Variants in TMEM117 observed in about 807,000 individuals in gnomAD.
TMEM117 encodes transmembrane protein 117.
TMEM117 carries 27 observed loss-of-function variants against 52.4 expected under a neutral mutation model. That is an observed-to-expected ratio of 0.51 (90% confidence interval 0.38 to 0.71). The LOEUF is 0.71. Ranked by LOEUF, TMEM117 falls within the 30% of genes least tolerant of loss-of-function variation. The pLI, the probability that TMEM117 is intolerant of heterozygous loss-of-function variation, is 0.00. For missense variants in TMEM117, 556 were observed against 630.5 expected (o/e 0.88, Z 1.26); for synonymous variants, 215 against 206.3 (o/e 1.04, Z -0.36).
chr12:43,800,423 C>A, the TMEM117 span: 85 of 1,598,098 alleles, frequency 5.3e-5, no homozygotes, highest in Non-Finnish European at 7.2e-5. Flanking sequence ...AATCCACATA[C>A]AAACATAATA....
chr12:44,371,944 A>G (rs1013613314), intron 6 of TMEM117, among the ~76,000 whole-genome samples: 2 of 152,320 alleles, frequency 1.3e-5, no homozygotes, highest in Middle Eastern at 3.4e-3. Context: ...TTATTTTTAT[A>G]TGGGAAATAC....
intron 4 of TMEM117, among the ~76,000 whole-genome samples, chr12:44,191,571 A>G (rs1363260628): frequency 6.6e-6 from 1 of 152,172 alleles, no homozygotes; most frequent in Non-Finnish European, 1.5e-5. Context: ...TGTCCTACTC[A>G]GATGATTTGA....
intron 6 of TMEM117, among the ~76,000 whole-genome samples, chr12:44,374,557 C>CATTTCCG (rs1951912229): frequency 6.6e-6 from 1 of 151,656 alleles, no homozygotes; most frequent in Non-Finnish European, 1.5e-5. Flanking sequence ...CTTTACCCTT[C>CATTTCCG]ATTTCCGTAA....
intron 3 of TMEM117, among the ~76,000 whole-genome samples, chr12:44,116,298 T>C (rs1473814386): frequency 6.6e-6 from 1 of 152,220 alleles, no homozygotes; most frequent in African/African-American, 2.4e-5. Flanking sequence ...GTGTGGGTTC[T>C]TTTTCTTCTT....
chr12:44,199,036 G>A (rs185228600), intron 4 of TMEM117, among the ~76,000 whole-genome samples: 11 of 152,250 alleles, frequency 7.2e-5, no homozygotes, highest in African/African-American at 2.6e-4. Context: ...AAATACTGGA[G>A]CCCTGTTGTT....
chr12:43,900,797 A>C (rs1210639679), intron 2 of TMEM117, among the ~76,000 whole-genome samples: 1 of 152,070 alleles, frequency 6.6e-6, no homozygotes, highest in African/African-American at 2.4e-5. Context: ...AATGCATGTT[A>C]AGTATAGAAC....
the TMEM117 span, among the ~76,000 whole-genome samples, chr12:43,827,278 T>TTTGTATTTACTGTCTGTTCACTCATTAG: frequency 1.3e-5 from 2 of 152,108 alleles, no homozygotes; most frequent in South Asian, 4.1e-4. Context: ...CATTATGCAT[T>TTTGTATTTACTGTCTGTTCACTCATTAG]TTGTATTTAC....
At chr12:44,251,229 G>C (rs753374738) in intron 5 of TMEM117, among the ~76,000 whole-genome samples, 1 of 152,122 alleles carries the variant, frequency 6.6e-6, no homozygotes, top group Non-Finnish European at 1.5e-5. Flanking sequence ...AAAAGCTGAA[G>C]TATCATCATA....
chr12:43,891,519 C>T (rs979513421), intron 2 of TMEM117, among the ~76,000 whole-genome samples: 3 of 151,576 alleles, frequency 2.0e-5, no homozygotes, highest in African/African-American at 7.3e-5. Flanking sequence ...ACTACAGGCA[C>T]CCACCACCAT....
intron 3 of TMEM117, among the ~76,000 whole-genome samples, chr12:44,105,497 GT>G (rs147968285): frequency 2.0e-5 from 3 of 149,634 alleles, no homozygotes; most frequent in African/African-American, 7.4e-5. Flanking sequence ...TTCAAAGTGT[GT>G]TTTTTTTTGC....
intron 3 of TMEM117, among the ~76,000 whole-genome samples, chr12:44,096,941 G>A (rs1784422278): frequency 6.6e-6 from 1 of 151,662 alleles, no homozygotes; most frequent in Admixed American, 6.6e-5. Context: ...TACAGAATGG[G>A]AGAAAATTTT....
rs1382767378 is a variant in TMEM117, at chr12:44,208,736, T to G, written c.511-2554T>G. Among the ~76,000 whole-genome samples the G allele has an allele frequency of 2.7e-5, 4 of 149,440 alleles. No homozygotes were observed. The South Asian group carries it at 6.4e-4, about 24-fold the overall frequency. ...GCATCAGAAAGAATGTTTTTTTTTTTTTTTTTTTTTTTGCTTCATCTAACC... is the reference window on the plus strand; with the variant it reads ...GCATCAGAAAGAATGTTTTTTTTTTGTTTTTTTTTTTTGCTTCATCTAACC... On this transcript the variant is annotated intron_variant, in intron 4 of 7. Coordinates refer to ENST00000266534, the MANE Select transcript of TMEM117 (RefSeq NM_032256.3).
intron 2 of TMEM117, among the ~76,000 whole-genome samples, chr12:43,926,423 C>T (rs1944779706): frequency 6.6e-6 from 1 of 152,100 alleles, no homozygotes; most frequent in Admixed American, 6.5e-5. Context: ...TTTTCATAAG[C>T]TAGGGAATAT....
chr12:44,199,621 G>C (rs549280736), intron 4 of TMEM117, among the ~76,000 whole-genome samples: 3 of 152,258 alleles, frequency 2.0e-5, no homozygotes, highest in African/African-American at 7.2e-5. Flanking sequence ...GGAACTAAAA[G>C]AATGTTGGCC....
chr12:44,237,792 CAT>C (rs1362994584), intron 5 of TMEM117, among the ~76,000 whole-genome samples: 1 of 151,950 alleles, frequency 6.6e-6, no homozygotes, highest in Non-Finnish European at 1.5e-5. Flanking sequence ...TAATTCATGG[CAT>C]ATAATAGGTA....
At chr12:44,356,618 T>G (rs1344471908) in intron 6 of TMEM117, among the ~76,000 whole-genome samples, 1 of 152,074 alleles carries the variant, frequency 6.6e-6, no homozygotes, top group Non-Finnish European at 1.5e-5. Context: ...CTGCCCTCTG[T>G]ATTTTGTTGT....
At chr12:43,867,828 G>A (rs1943631573) in intron 2 of TMEM117, among the ~76,000 whole-genome samples, 1 of 152,106 alleles carries the variant, frequency 6.6e-6, no homozygotes, top group Non-Finnish European at 1.5e-5. Context: ...ATCGTAGGTA[G>A]ATAATTTATT....
At chr12:44,342,443 G>A (rs1309811033) in intron 6 of TMEM117, among the ~76,000 whole-genome samples, 1 of 152,078 alleles carries the variant, frequency 6.6e-6, no homozygotes, top group Non-Finnish European at 1.5e-5. Flanking sequence ...AGACCACCAA[G>A]TCCTGAAAGT....
intron 3 of TMEM117, among the ~76,000 whole-genome samples, chr12:44,055,108 G>A (rs927202955): frequency 2.0e-5 from 3 of 152,026 alleles, no homozygotes; most frequent in Admixed American, 6.5e-5. Context: ...TGTTAACCTA[G>A]AAAACATTTT....
Sources: gnomAD v4.1 joint callset for allele counts (sites outside exome capture counted in the v4.1 genomes callset) on GRCh38, gnomAD v4.1.1 for gene constraint, MANE v1.5 for transcripts, NCBI Gene and HGNC (gene_info 2026-07-23, HGNC 2026-07-21) for gene names.